Variants in PSD3 observed in about 807,000 individuals in gnomAD.
The protein encoded by PSD3 is pleckstrin and Sec7 domain containing 3, also known as PH and SEC7 domain-containing protein 3.
In PSD3, 49 loss-of-function variants were observed where a neutral mutation model predicts 105.5. The observed-to-expected ratio is 0.46, with a 90% confidence interval of 0.37 to 0.59. PSD3 has a LOEUF of 0.59. Ranked by LOEUF, PSD3 falls within the 20% of genes least tolerant of loss-of-function variation. PSD3 has a pLI of 0.00. For synonymous variants in PSD3, 557 were observed against 457.8 expected, an observed-to-expected ratio of 1.22 and a Z score of -2.77; for missense variants, 1,561 against 1,263.8, an observed-to-expected ratio of 1.24 and a Z score of -3.57.
At chr8:18,943,173 ACT>A (rs946895552) in intron 1 of PSD3, among the ~76,000 whole-genome samples, 2 of 151,988 alleles carry the variant, frequency 1.3e-5, no homozygotes, top group Admixed American at 6.6e-5. Context: ...GGTGAAAAAG[ACT>A]CTTGTTCACT....
intron 1 of PSD3, among the ~76,000 whole-genome samples, chr8:19,059,759 C>A (rs1270301612): frequency 2.6e-5 from 4 of 152,196 alleles, no homozygotes; most frequent in Non-Finnish European, 4.4e-5. Flanking sequence ...AGGAAATAAA[C>A]AATTCACAGA....
At chr8:18,667,908 C>T (rs1219854845) in intron 9 of PSD3, among the ~76,000 whole-genome samples, 1 of 152,246 alleles carries the variant, frequency 6.6e-6, no homozygotes, top group East Asian at 1.9e-4. Flanking sequence ...GGTGCACCCT[C>T]CACAGCTGCT....
chr8:18,686,818 C>G (rs1175704663), intron 9 of PSD3, among the ~76,000 whole-genome samples: 1 of 152,158 alleles, frequency 6.6e-6, no homozygotes, highest in Non-Finnish European at 1.5e-5. Flanking sequence ...CCCGAATGAC[C>G]CTCCATCTGC....
At chr8:18,835,744 A>G (rs925713101) in intron 4 of PSD3, among the ~76,000 whole-genome samples, 2 of 152,186 alleles carry the variant, frequency 1.3e-5, no homozygotes, top group African/African-American at 4.8e-5. Context: ...GGAGAAAGAA[A>G]AGCAAAGGCA....
At chr8:18,928,041 G>A (rs1025867450) in intron 2 of PSD3, among the ~76,000 whole-genome samples, 3 of 152,122 alleles carry the variant, frequency 2.0e-5, no homozygotes, top group African/African-American at 7.2e-5. Flanking sequence ...TCAAAAACTT[G>A]TACAACAGTT....
At chr8:19,044,755 G>C (rs1828252781) in intron 1 of PSD3, among the ~76,000 whole-genome samples, 1 of 152,216 alleles carries the variant, frequency 6.6e-6, no homozygotes, top group Non-Finnish European at 1.5e-5. Flanking sequence ...ACTTTGCTCA[G>C]TGGTACCATA....
intron 4 of PSD3, among the ~76,000 whole-genome samples, chr8:18,810,577 T>C (rs1262970371): frequency 6.6e-6 from 1 of 152,182 alleles, no homozygotes; most frequent in Admixed American, 6.5e-5. Flanking sequence ...ATTGTGGTAA[T>C]AAAACTAGGA....
rs762508199 is a variant in PSD3, at chr8:18,804,539, C to A, written c.1893G>T (p.Thr631=). Residue 631 remains threonine, a synonymous_variant, in exon 6 of 16, where the codon ACG becomes ACT. Transcript: ENST00000327040. ...YLKFFDFTGM[T]LDQSLRYFFK... is the part of the protein sequence containing the mutation. ...AGTCATACCTGAGTGACTGATCCAG[C>A]GTCATTCCTGTAAAATCAAAAAACT... The A allele has an allele frequency of 1.9e-6, 3 of 1,612,018 alleles. No individual in the cohort carries two copies. Among genetic ancestry groups the A allele is most frequent in the African/African-American group, 1.3e-5 (1 of 74,986 alleles).
At chr8:18,658,665 C>T (rs1182513361) in intron 9 of PSD3, among the ~76,000 whole-genome samples, 1 of 151,814 alleles carries the variant, frequency 6.6e-6, no homozygotes, top group Non-Finnish European at 1.5e-5. Context: ...TGTGGTTACA[C>T]CTATATAACT....
chr8:18,999,707 T>C (rs1250585483), intron 1 of PSD3, among the ~76,000 whole-genome samples: 1 of 151,778 alleles, frequency 6.6e-6, no homozygotes, highest in African/African-American at 2.4e-5. Context: ...AAAATACAAA[T>C]ATTCATGAAG....
chr8:18,928,915 C>T (rs1007553624), intron 2 of PSD3, among the ~76,000 whole-genome samples: 3 of 151,980 alleles, frequency 2.0e-5, no homozygotes, highest in African/African-American at 7.3e-5. Flanking sequence ...CTCCTGGGCT[C>T]AAACAGTCCT....
chr8:18,654,664 T>G (rs1033979567), intron 10 of PSD3, among the ~76,000 whole-genome samples: 2 of 152,234 alleles, frequency 1.3e-5, no homozygotes, highest in African/African-American at 4.8e-5. Flanking sequence ...TATATGTCAC[T>G]GTCAAAGAGA....
At chr8:18,630,083 C>T (rs1036279043) in intron 11 of PSD3, among the ~76,000 whole-genome samples, 16 of 151,744 alleles carry the variant, frequency 1.1e-4, no homozygotes, top group African/African-American at 1.5e-4. Flanking sequence ...GAGATGGGCA[C>T]GTCTTAACCC....
chr8:18,885,297 T>G (rs1298839033), intron 2 of PSD3, among the ~76,000 whole-genome samples: 1 of 152,124 alleles, frequency 6.6e-6, no homozygotes, highest in East Asian at 1.9e-4. Context: ...AATTTTATTT[T>G]TAAAAGACAA....
At chr8:19,050,847 G>C (rs1177079940) in intron 1 of PSD3, among the ~76,000 whole-genome samples, 1 of 152,076 alleles carries the variant, frequency 6.6e-6, no homozygotes, top group Non-Finnish European at 1.5e-5. Context: ...AAAAAATACA[G>C]AAAAAGATAA....
At chr8:18,920,158 T>C (rs906951161) in intron 2 of PSD3, among the ~76,000 whole-genome samples, 4 of 152,112 alleles carry the variant, frequency 2.6e-5, no homozygotes, top group African/African-American at 4.8e-5. Flanking sequence ...TAATGTGCCC[T>C]GATGCTTAGG....
intron 4 of PSD3, among the ~76,000 whole-genome samples, chr8:18,823,853 C>A (rs1158721793): frequency 6.6e-6 from 1 of 151,886 alleles, no homozygotes; most frequent in Non-Finnish European, 1.5e-5. Flanking sequence ...AATACGCTGA[C>A]AAGGCGGCCT....
intron 11 of PSD3, among the ~76,000 whole-genome samples, chr8:18,615,201 GATCACCTGCTGCACCCTACATTCCA>G (rs1343406161): frequency 8.4e-4 from 127 of 151,454 alleles, no homozygotes; most frequent in African/African-American, 2.8e-3. Flanking sequence ...GACTCATTCT[GATCACCTGCTGCACCCTACATTCCA>G]ATCACCTGCT....
At chr8:18,989,801 G>A (rs1825694692) in intron 1 of PSD3, among the ~76,000 whole-genome samples, 1 of 152,188 alleles carries the variant, frequency 6.6e-6, no homozygotes, top group Non-Finnish European at 1.5e-5. Flanking sequence ...GCCCAACCAA[G>A]TGGCTATTCT....
Sources: allele counts gnomAD v4.1 joint callset (sites outside exome capture counted in the v4.1 genomes callset), GRCh38; gene constraint gnomAD v4.1.1; transcripts MANE v1.5; gene names NCBI Gene and HGNC (gene_info 2026-07-23, HGNC 2026-07-21).